Variants in EP300 observed in about 807,000 individuals in gnomAD.
EP300 encodes the protein histone acetyltransferase p300.
Under a neutral mutation model 264.0 loss-of-function variants are expected in EP300, and 31 were observed. That is an observed-to-expected ratio of 0.12 (90% CI 0.09 to 0.16). EP300 has a LOEUF of 0.16. EP300 is among the 10% of genes least tolerant of loss of function. The pLI is 1.00. For synonymous variants in EP300, 1,340 were observed against 1,045.4 expected, an observed-to-expected ratio of 1.28 and a Z score of -5.44; for missense variants, 2,766 against 3,052.9, an observed-to-expected ratio of 0.91 and a Z score of 2.21.
At position 41,156,456 on chromosome 22, in the gene EP300, A is replaced by G. The variant is rs2059077856; in HGVS notation, c.3262-713A>G. On this transcript the variant is annotated intron_variant, in intron 17 of 30. Coordinates refer to ENST00000263253, the MANE Select transcript of EP300 (RefSeq NM_001429.4). ...TGTTACTTGGCCGGGCACGGTGGCT[A>G]ACGCCTGTAATCCCAACACTTTTGG... 2.0e-5 allele frequency among the ~76,000 whole-genome samples: 3 copies of G among 152,132 alleles called. No individual in the cohort carries two copies. The South Asian group carries it at 6.2e-4, about 31-fold the overall frequency.
rs1290822542 is a variant in EP300, at chr22:41,178,388, G to GGATGCAGCATCACATGCAACA, written c.6684_6704dup (p.His2229_Gln2235dup). The GGATGCAGCATCACATGCAACA allele has an allele frequency of 6.2e-7, 1 of 1,613,980 alleles. No individual in the cohort carries two copies. The highest frequency in any genetic ancestry group is 8.5e-7 in the Non-Finnish European group (1 of 1,180,028). On this transcript the variant is annotated inframe_insertion, in exon 31 of 31. Coordinates refer to ENST00000263253, the MANE Select transcript of EP300 (RefSeq NM_001429.4). ...GGCTACCCACCACAGCAGCAGCAGC[G>GGATGCAGCATCACATGCAACA]GATGCAGCATCACATGCAACAGATG...
chr22:41,125,762 C>T (rs909000328), intron 2 of EP300, 102 bp from the exon 3 acceptor site: 13 of 1,295,730 alleles, frequency 1.0e-5, no homozygotes, highest in African/African-American at 3.0e-5. Flanking sequence ...TGAGAATTTC[C>T]TTTGAAACTG....
chr22:41,130,002 G>T lies in EP300; in HGVS notation c.1281G>T (p.Gln427His), dbSNP rs2058908242. The T allele has an allele frequency of 6.2e-7, 1 of 1,607,686 alleles. No homozygotes were observed. The highest frequency in any genetic ancestry group is 1.3e-5 in the African/African-American group (1 of 74,758). ...ATGCTGGTGATAAGAGAAATCAACAGCGTAAGTGATGAAATCTTTTGAAGG... is the reference window on the plus strand; with the variant it reads ...ATGCTGGTGATAAGAGAAATCAACATCGTAAGTGATGAAATCTTTTGAAGG... ...LKNAGDKRNQ[Q>H]PILTGAPVGL... The change falls in exon 5 of 31, where the codon CAG becomes CAT. Residue 427 changes from glutamine (Q) to histidine (H), a missense_variant and splice_region_variant. Physicochemically the swap from Gln to His is conservative, Grantham distance 24 (BLOSUM62 0). Coordinates refer to ENST00000263253, the MANE Select transcript of EP300 (RefSeq NM_001429.4).
chr22:41,172,937 G>A (rs1024660990), intron 28 of EP300, among the ~76,000 whole-genome samples: 3 of 152,200 alleles, frequency 2.0e-5, no homozygotes, highest in Admixed American at 6.5e-5. Flanking sequence ...ACTGATAGAA[G>A]ATTACTTATC....
intron 19 of EP300, chr22:41,160,327 T>G (rs996312884): frequency 2.7e-6 from 1 of 373,088 alleles, no homozygotes; most frequent in Non-Finnish European, 5.1e-6. Flanking sequence ...GCTTTTATGT[T>G]TTTTGTTGTC....
chr22:41,104,628 T>C (rs567372920), intron 1 of EP300, among the ~76,000 whole-genome samples: 1 of 152,150 alleles, frequency 6.6e-6, no homozygotes, highest in Non-Finnish European at 1.5e-5. Context: ...ACTATATTAA[T>C]ACATTGAAAA....
intron 1 of EP300, chr22:41,108,091 C>A (rs2058767936): frequency 2.6e-5 from 4 of 152,024 alleles, no homozygotes. Flanking sequence ...GGGTGATCTA[C>A]AGAATCAGTA....
intron 1 of EP300, among the ~76,000 whole-genome samples, chr22:41,111,993 T>C (rs2145689993): frequency 7.2e-6 from 1 of 138,898 alleles, no homozygotes; most frequent in South Asian, 2.5e-4. Flanking sequence ...GTTCACGCCA[T>C]CCTCCTGCCT....
chr22:41,160,919 A>C (rs1015482786), intron 20 of EP300, among the ~76,000 whole-genome samples, 197 bp downstream of exon 20: 8 of 152,228 alleles, frequency 5.3e-5, no homozygotes, highest in African/African-American at 1.9e-4. Flanking sequence ...TTCAGTAGCT[A>C]TCTGTGTCTG....
chr22:41,160,466 A>G (rs541739103), intron 19 of EP300, 176 bp from the exon 20 acceptor site: 1 of 573,028 alleles, frequency 1.7e-6, no homozygotes, highest in Non-Finnish European at 3.1e-6. Context: ...AAAAACCAAA[A>G]CCCAAACTGT....
chr22:41,132,905 T>C (rs944481315), intron 6 of EP300, among the ~76,000 whole-genome samples: 4 of 152,214 alleles, frequency 2.6e-5, no homozygotes, highest in African/African-American at 9.7e-5. Context: ...TATCTTAATT[T>C]TGGGATATGT....
intron 10 of EP300, among the ~76,000 whole-genome samples, chr22:41,145,104 A>T (rs1026957588): frequency 6.6e-6 from 1 of 152,136 alleles, no homozygotes; most frequent in Non-Finnish European, 1.5e-5. Context: ...ACACCTATCC[A>T]TATTGTTGAC....
chr22:41,157,610 T>C (rs566788164), intron 18 of EP300, among the ~76,000 whole-genome samples: 1 of 148,138 alleles, frequency 6.8e-6, no homozygotes, highest in African/African-American at 2.5e-5. Context: ...TTCAACCTCC[T>C]GGGCTCAAGC....
intron 7 of EP300, among the ~76,000 whole-genome samples, chr22:41,136,406 G>C (rs1463650033): frequency 6.6e-6 from 1 of 152,204 alleles, no homozygotes; most frequent in Non-Finnish European, 1.5e-5. Flanking sequence ...ACAGTAGGAT[G>C]TTGCAAGGTT....
rs368437789 is a variant in EP300, at chr22:41,160,636, C to T, written c.3591-6C>T. 1.6e-4 allele frequency: 254 copies of T among 1,613,502 alleles called. No homozygotes were observed. Among genetic ancestry groups the T allele is most frequent in the Admixed American group, 2.5e-4 (15 of 59,954 alleles). On this transcript the variant is annotated splice_polypyrimidine_tract_variant and splice_region_variant and intron_variant, in intron 19 of 30. Coordinates refer to ENST00000263253, the MANE Select transcript of EP300 (RefSeq NM_001429.4). The stretch of plus-strand genomic sequence containing the variant: ...GTTCACCCCAGTATGGCCTTCTTGC[C>T]GACAGGTATCATTTCTGTGAGAAGT...
chr22:41,143,606 CTCTT>C (rs1370335063), intron 10 of EP300, among the ~76,000 whole-genome samples: 3 of 151,192 alleles, frequency 2.0e-5, no homozygotes, highest in East Asian at 1.9e-4. Flanking sequence ...GAAACAGTCT[CTCTT>C]TGTCACTCAG....
intron 13 of EP300, 40 bp from the exon 14 acceptor site, chr22:41,149,721 G>T (rs1351228867): frequency 6.3e-7 from 1 of 1,598,618 alleles, no homozygotes. Context: ...CCTTAATTCT[G>T]TTCTGAATTG....
chr22:41,179,779 AAG>A lies in EP300; in HGVS notation c.*826_*827del, dbSNP rs1017259846. 14 of 231,676 alleles carry A rather than the reference AAG, an allele frequency of 6.0e-5. No homozygotes were observed. The highest frequency in any genetic ancestry group is 1.1e-4 in the Non-Finnish European group (13 of 117,018). 14.4% of individuals were successfully genotyped at this position (231,676 alleles called of 1,614,324 possible). Reference sequence around the variant, plus strand: ...CATCTAACAAAGTAAAAAAATTAAAAAGAGGGTAAGAAACGATTCCGGTGGGA... The same window carrying A: ...CATCTAACAAAGTAAAAAAATTAAAAAGGGTAAGAAACGATTCCGGTGGGA... On this transcript the variant is annotated 3_prime_UTR_variant, in exon 31 of 31. Transcript: ENST00000263253.
chr22:41,147,961 T>C lies in EP300; in HGVS notation c.2241+15T>C, dbSNP rs2145734455. 1 of 1,561,768 alleles carries C rather than the reference T, an allele frequency of 6.4e-7. No individual in the cohort carries two copies. Among genetic ancestry groups the C allele is most frequent in the Non-Finnish European group, 8.7e-7 (1 of 1,143,286 alleles). On this transcript the variant is annotated intron_variant, in intron 12 of 30. Coordinates refer to ENST00000263253, the MANE Select transcript of EP300 (RefSeq NM_001429.4). ...CTCTCAACCCGGTTAGTTTGACGTCTTTGGTAATCTCTTTGGCCTTTACCT... is the reference window on the plus strand; with the variant it reads ...CTCTCAACCCGGTTAGTTTGACGTCCTTGGTAATCTCTTTGGCCTTTACCT...
Sources: gnomAD v4.1 joint callset for allele counts (sites outside exome capture counted in the v4.1 genomes callset) on GRCh38, gnomAD v4.1.1 for gene constraint, MANE v1.5 for transcripts, NCBI Gene and HGNC (gene_info 2026-07-23, HGNC 2026-07-21) for gene names.